CDIN1: variants seen among roughly 807,000 people sequenced by gnomAD.
The protein encoded by CDIN1 is CDAN1 interacting nuclease 1.
In CDIN1, 33 loss-of-function variants were observed where a neutral mutation model predicts 45.3. That is an observed-to-expected ratio of 0.73 (90% CI 0.55 to 0.97). The LOEUF is 0.97. Ranked by LOEUF, CDIN1 falls within the 50% of genes least tolerant of loss-of-function variation. The pLI, the probability that CDIN1 is intolerant of heterozygous loss-of-function variation, is 0.00. For synonymous variants in CDIN1, 118 were observed against 124.4 expected (o/e 0.95, Z 0.34); for missense variants, 303 against 339.4 (o/e 0.89, Z 0.84).
intron 5 of CDIN1, among the ~76,000 whole-genome samples, chr15:36,662,121 G>A (rs2041038938): frequency 6.6e-6 from 1 of 152,130 alleles, no homozygotes; most frequent in Non-Finnish European, 1.5e-5. Flanking sequence ...ATGTCCTGGA[G>A]ATTTTATACA....
intron 8 of CDIN1, among the ~76,000 whole-genome samples, chr15:36,703,505 C>T (rs1275515928): frequency 2.0e-5 from 3 of 150,096 alleles, no homozygotes; most frequent in Admixed American, 6.7e-5. Flanking sequence ...TTACTGCCCA[C>T]TCATGAGAAT....
chr15:36,718,710 C>A (rs1228091043), intron 10 of CDIN1, among the ~76,000 whole-genome samples: 1 of 150,968 alleles, frequency 6.6e-6, no homozygotes, highest in Non-Finnish European at 1.5e-5. Flanking sequence ...CAATAAAACC[C>A]ATTTATTAAT....
chr15:36,669,848 T>C (rs2041382686), intron 5 of CDIN1, among the ~76,000 whole-genome samples: 1 of 152,124 alleles, frequency 6.6e-6, no homozygotes, highest in East Asian at 1.9e-4. Context: ...TCAAGGGGTA[T>C]GTGGTATCAA....
At chr15:36,676,265 C>G (rs551481451) in intron 5 of CDIN1, among the ~76,000 whole-genome samples, 58 of 152,230 alleles carry the variant, frequency 3.8e-4, no homozygotes, top group African/African-American at 1.4e-3. Context: ...TTGTTCTTTC[C>G]CGTTAGATTC....
At chr15:36,619,109 C>CT in intron 1 of CDIN1, 2 of 1,065,294 alleles carry the variant, frequency 1.9e-6, no homozygotes, top group Non-Finnish European at 2.8e-6. Context: ...GAAGCAAGGG[C>CT]TAGTAAGGAT....
At chr15:36,618,197 C>A in intron 1 of CDIN1, 3 of 658,248 alleles carry the variant, frequency 4.6e-6, no homozygotes, top group Non-Finnish European at 8.3e-6. Flanking sequence ...TCGACCATTC[C>A]AAAAAAAAAC....
chr15:36,764,883 G>C (rs1384356422), intron 10 of CDIN1, among the ~76,000 whole-genome samples: 1 of 152,026 alleles, frequency 6.6e-6, no homozygotes, highest in African/African-American at 2.4e-5. Context: ...TAAGAATGTG[G>C]GCCTGATGGG....
chr15:36,649,467 G>T (rs2040486275), intron 3 of CDIN1, among the ~76,000 whole-genome samples: 1 of 152,168 alleles, frequency 6.6e-6, no homozygotes, highest in Non-Finnish European at 1.5e-5. Context: ...CTACAGGAGG[G>T]CTAACAAATA....
intron 7 of CDIN1, 47 bp downstream of exon 7, chr15:36,692,222 C>G: frequency 1.3e-6 from 2 of 1,553,892 alleles, no homozygotes; most frequent in South Asian, 2.3e-5. Flanking sequence ...CGAGCTTAGA[C>G]TCAGTGGAGA....
intron 7 of CDIN1, among the ~76,000 whole-genome samples, chr15:36,692,493 C>G (rs1211201151): frequency 6.6e-6 from 1 of 152,076 alleles, no homozygotes; most frequent in African/African-American, 2.4e-5. Context: ...TCTACCCATC[C>G]CAGTAAACAT....
intron 10 of CDIN1, among the ~76,000 whole-genome samples, chr15:36,742,254 A>G (rs897495921): frequency 6.6e-6 from 1 of 152,194 alleles, no homozygotes. Context: ...GCCAATTTAT[A>G]TCTATAAATA....
chr15:36,628,917 G>C (rs2039565234), intron 1 of CDIN1, among the ~76,000 whole-genome samples: 1 of 152,160 alleles, frequency 6.6e-6, no homozygotes, highest in Non-Finnish European at 1.5e-5. Flanking sequence ...GCAAGGTAGA[G>C]GAAGTTTTTA....
chr15:36,751,316 T>C (rs2053465508), intron 10 of CDIN1, among the ~76,000 whole-genome samples: 1 of 146,140 alleles, frequency 6.8e-6, no homozygotes, highest in Non-Finnish European at 1.5e-5. Context: ...ATTTAATTCA[T>C]GTCTTAATGC....
intron 1 of CDIN1, among the ~76,000 whole-genome samples, chr15:36,612,440 T>A (rs1032618117): frequency 2.0e-5 from 3 of 152,188 alleles, no homozygotes; most frequent in African/African-American, 7.2e-5. Context: ...TATTTGGGAT[T>A]GTATTTTCTA....
intron 1 of CDIN1, chr15:36,613,573 A>G: frequency 1.3e-6 from 2 of 1,486,292 alleles, no homozygotes; most frequent in Non-Finnish European, 1.9e-6. Flanking sequence ...TCCAGCAAGA[A>G]GTTGAGGGAG....
intron 10 of CDIN1, among the ~76,000 whole-genome samples, chr15:36,780,254 C>A (rs1003190830): frequency 2.6e-5 from 4 of 152,172 alleles, no homozygotes; most frequent in African/African-American, 4.8e-5. Context: ...GGACCTCAGC[C>A]CTTTTACTGA....
At chr15:36,657,792 A>T (rs1300052042) in intron 4 of CDIN1, 41 bp from the exon 5 acceptor site, 2 of 1,528,344 alleles carry the variant, frequency 1.3e-6, no homozygotes, top group African/African-American at 2.8e-5. Context: ...CACTGCTCGC[A>T]CAACTTGATA....
At chr15:36,741,458 CTTTT>C (rs541497919) in intron 10 of CDIN1, among the ~76,000 whole-genome samples, 24 of 130,526 alleles carry the variant, frequency 1.8e-4, no homozygotes, top group African/African-American at 6.1e-4. Context: ...ATTTGAAAAG[CTTTT>C]TTTTTTTTTT....
Position 36,768,482 on chromosome 15 carries a change from C to G in CDIN1, c.717-39842C>G, listed in dbSNP as rs546610927. Among the ~76,000 whole-genome samples the G allele has an allele frequency of 2.0e-5, 3 of 152,328 alleles. No homozygotes were observed. In the East Asian group the frequency reaches 5.8e-4, roughly 29 times the overall value. On this transcript the variant is annotated intron_variant, in intron 10 of 10. Transcript: ENST00000566621. ...TAGACTGTAGCTGCTGGAGTGCTCT[C>G]CCTGTTCCCAAAGGTAGCTTTTCCC... is the stretch of plus-strand genomic sequence containing the variant.
Sources: allele counts gnomAD v4.1 joint callset (sites outside exome capture counted in the v4.1 genomes callset), GRCh38; gene constraint gnomAD v4.1.1; transcripts MANE v1.5; gene names NCBI Gene and HGNC (gene_info 2026-07-23, HGNC 2026-07-21).